The following TRMT9B variants were observed in gnomAD, a reference collection of about 807,000 sequenced individuals.
The protein encoded by TRMT9B is probable tRNA methyltransferase 9B.
TRMT9B carries 16 observed loss-of-function variants against 11.5 expected under a neutral mutation model. The observed-to-expected ratio is 1.39, with a 90% CI of 0.94 to 2.11. The LOEUF is 2.11. Ranked by LOEUF, TRMT9B falls within the 30% of genes most tolerant of loss-of-function variation. The pLI is 0.00. For missense variants in TRMT9B, 941 were observed against 553.8 expected, an observed-to-expected ratio of 1.70 and a Z score of -7.02; for synonymous variants, 274 against 192.4, an observed-to-expected ratio of 1.42 and a Z score of -3.51.
chr8:12,968,859 C>G (rs897944845), intron 1 of TRMT9B, among the ~76,000 whole-genome samples: 1 of 152,192 alleles, frequency 6.6e-6, no homozygotes, highest in Non-Finnish European at 1.5e-5. Context: ...GGAGAAGCAA[C>G]AGATTTGCAG....
At chr8:13,002,685 C>A (rs1393158384) in intron 2 of TRMT9B, among the ~76,000 whole-genome samples, 1 of 152,046 alleles carries the variant, frequency 6.6e-6, no homozygotes, top group Admixed American at 6.5e-5. Flanking sequence ...TATCATCATT[C>A]GGTGATACTT....
chr8:13,021,639 C>A lies in TRMT9B; in HGVS notation c.960C>A (p.His320Gln). The A allele has an allele frequency of 1.9e-6, 3 of 1,613,790 alleles. No homozygotes were observed. Among genetic ancestry groups the A allele is most frequent in the Non-Finnish European group, 2.5e-6 (3 of 1,179,770 alleles). The change falls in exon 5 of 5, where the codon CAC becomes CAA. Residue 320 changes from histidine to glutamine, a missense_variant. Coordinates refer to ENST00000524591, the MANE Select transcript of TRMT9B (RefSeq NM_020844.3). Reference protein sequence around the residue: ...EVFVESSSGKHLEWLRAPGTL... With the variant: ...EVFVESSSGKQLEWLRAPGTL... ...TTGTGGAATCTTCTTCTGGAAAACA[C>A]TTGGAGTGGCTGAGAGCACCAGGCA...
intron 2 of TRMT9B, among the ~76,000 whole-genome samples, chr8:13,005,797 G>C (rs996103787): frequency 6.6e-6 from 1 of 152,106 alleles, no homozygotes; most frequent in Non-Finnish European, 1.5e-5. Context: ...AATTAATAGC[G>C]CTTTGCTATT....
At chr8:13,012,960 G>A in intron 4 of TRMT9B, 103 bp downstream of exon 4, 1 of 1,309,924 alleles carries the variant, frequency 7.6e-7, no homozygotes. Flanking sequence ...AAATGTCAAT[G>A]TAATTTATTT....
intron 2 of TRMT9B, among the ~76,000 whole-genome samples, chr8:12,993,405 G>T (rs577557634): frequency 1.7e-4 from 26 of 152,166 alleles, no homozygotes; most frequent in Non-Finnish European, 3.4e-4. Context: ...TGTGGTTTAC[G>T]CAGTTACCTT....
rs1563375032 is a variant in TRMT9B at position 12,991,164 on chromosome 8, A to C, written c.-2+133A>C. The stretch of plus-strand genomic sequence containing the variant: ...GACAATGTGATATAAAGTAAGTTGG[A>C]ATTTATTTTTGCATGAGGTGGAAAA... On this transcript the variant is annotated intron_variant, in intron 2 of 4. Transcript: ENST00000524591. 21 of 308,332 alleles carry C rather than the reference A, an allele frequency of 6.8e-5. 1 individual carries two copies. In the South Asian group the frequency reaches 1.4e-3, roughly 20 times the overall value. The allele number at this position is 308,332 out of a possible 1,614,324, so 19.1% of individuals were successfully genotyped here.
In TRMT9B at chr8:13,021,648, G is replaced by C. The variant is rs201727251; in HGVS notation, c.969G>C (p.Trp323Cys). The change falls in exon 5 of 5, where the codon TGG (tryptophan) becomes TGC (cysteine). Residue 323 changes from tryptophan (W) to cysteine (C), a missense_variant. Coordinates refer to ENST00000524591, the MANE Select transcript of TRMT9B (RefSeq NM_020844.3). ...VESSSGKHLE[W>C]LRAPGTLKHL... ...CTTCTTCTGGAAAACACTTGGAGTG[G>C]CTGAGAGCACCAGGCACTCTGAAAC... 956 of 1,613,828 alleles carry C rather than the reference G, an allele frequency of 5.9e-4. 8 individuals are homozygous for C. The African/African-American group carries it at 0.011, about 18-fold the overall frequency.
At chr8:12,971,996 G>A (rs746588051) in intron 1 of TRMT9B, among the ~76,000 whole-genome samples, 1 of 152,144 alleles carries the variant, frequency 6.6e-6, no homozygotes, top group Non-Finnish European at 1.5e-5. Flanking sequence ...ATACTGAAAA[G>A]AAACTCTTTA....
intron 2 of TRMT9B, among the ~76,000 whole-genome samples, chr8:12,996,835 G>A (rs536815227): frequency 1.3e-5 from 2 of 152,090 alleles, no homozygotes; most frequent in Admixed American, 1.3e-4. Flanking sequence ...AGCACCCCAG[G>A]ACCACCTCCC....
At chr8:13,006,682 T>A in intron 3 of TRMT9B, 5 of 1,334,710 alleles carry the variant, frequency 3.7e-6, no homozygotes, top group Non-Finnish European at 4.8e-6. Flanking sequence ...ATTTTTATTC[T>A]TTTGAGATGG....
chr8:12,988,434 GCTA>G (rs933888439), intron 1 of TRMT9B, among the ~76,000 whole-genome samples: 2 of 152,094 alleles, frequency 1.3e-5, no homozygotes, highest in African/African-American at 4.8e-5. Flanking sequence ...CCATTCTCAG[GCTA>G]CTAATAAAGA....
At chr8:12,994,510 C>T (rs1026659917) in intron 2 of TRMT9B, among the ~76,000 whole-genome samples, 1 of 152,114 alleles carries the variant, frequency 6.6e-6, no homozygotes, top group Non-Finnish European at 1.5e-5. Context: ...ACATCAAGTG[C>T]CCGGAGGTGA....
chr8:13,009,512 G>A (rs567793365), intron 3 of TRMT9B, among the ~76,000 whole-genome samples: 5 of 152,236 alleles, frequency 3.3e-5, no homozygotes, highest in African/African-American at 1.2e-4. Flanking sequence ...CTGGCGCCAA[G>A]CAACCCACAC....
intron 1 of TRMT9B, among the ~76,000 whole-genome samples, chr8:12,976,425 T>C (rs1453315195): frequency 6.6e-6 from 1 of 151,932 alleles, no homozygotes; most frequent in Non-Finnish European, 1.5e-5. Flanking sequence ...TTGTGTGAGA[T>C]ACTATATATT....
intron 4 of TRMT9B, among the ~76,000 whole-genome samples, chr8:13,020,266 C>A (rs1034110572): frequency 6.6e-6 from 1 of 152,152 alleles, no homozygotes; most frequent in Admixed American, 6.5e-5. Context: ...TCTCTTGACA[C>A]AATACCGTGA....
intron 1 of TRMT9B, among the ~76,000 whole-genome samples, chr8:12,959,364 A>G (rs1330438522): frequency 1.3e-5 from 2 of 152,146 alleles, no homozygotes; most frequent in Non-Finnish European, 2.9e-5. Context: ...ATTTCAAAAG[A>G]TTGTATAAAA....
intron 2 of TRMT9B, among the ~76,000 whole-genome samples, chr8:12,995,442 G>T (rs1406056561): frequency 6.6e-6 from 1 of 151,924 alleles, no homozygotes; most frequent in Non-Finnish European, 1.5e-5. Context: ...TTAAGTCATA[G>T]CTCTTAGCTC....
chr8:12,975,073 A>G (rs558684610), intron 1 of TRMT9B, among the ~76,000 whole-genome samples: 1 of 152,030 alleles, frequency 6.6e-6, no homozygotes, highest in Non-Finnish European at 1.5e-5. Flanking sequence ...ACTAATGGGG[A>G]AAATCGATGA....
chr8:13,026,579 A>G lies in TRMT9B; in HGVS notation c.*4535A>G, dbSNP rs976428178. On this transcript the variant is annotated 3_prime_UTR_variant, in exon 5 of 5. Transcript: ENST00000524591. ...AGGATTTTTGTTTTTAAAAAAAGCAACGTTCATTAATTTATATGCAGTCCT... is the reference window on the plus strand; with the variant it reads ...AGGATTTTTGTTTTTAAAAAAAGCAGCGTTCATTAATTTATATGCAGTCCT... The G allele has an allele frequency of 1.2e-4, 20 of 167,252 alleles. 1 individual carries two copies. The highest frequency in any genetic ancestry group is 4.6e-4 in the African/African-American group (19 of 41,596). The allele number at this position is 167,252 out of a possible 1,614,324, so 10.4% of individuals were successfully genotyped here. A position where few individuals can be genotyped will look rare whatever the true frequency, so the allele number is the denominator to read the frequency against.
Sources: gnomAD v4.1 joint callset for allele counts (sites outside exome capture counted in the v4.1 genomes callset) on GRCh38, gnomAD v4.1.1 for gene constraint, MANE v1.5 for transcripts, NCBI Gene and HGNC (gene_info 2026-07-23, HGNC 2026-07-21) for gene names.